Variants in SBF2 observed in about 807,000 individuals in gnomAD.
SBF2 encodes myotubularin-related protein 13.
SBF2 carries 112 observed loss-of-function variants against 225.2 expected under a neutral mutation model. The observed-to-expected ratio is 0.50, with a 90% CI of 0.43 to 0.58. The LOEUF (loss-of-function observed/expected upper bound fraction) is 0.58. Ranked by LOEUF, SBF2 falls within the 20% of genes least tolerant of loss-of-function variation. SBF2 has a pLI of 0.00. For missense variants in SBF2, 1,996 were observed against 2,206.2 expected, an observed-to-expected ratio of 0.90 and a Z score of 1.91; for synonymous variants, 763 against 773.3, an observed-to-expected ratio of 0.99 and a Z score of 0.22.
At chr11:10,237,547 CT>C (rs1959123363) in intron 1 of SBF2, among the ~76,000 whole-genome samples, 1 of 152,208 alleles carries the variant, frequency 6.6e-6, no homozygotes, top group Non-Finnish European at 1.5e-5. Flanking sequence ...ACTAATACCC[CT>C]ATCTTGTCTT....
intron 17 of SBF2, among the ~76,000 whole-genome samples, chr11:9,874,854 T>C (rs545050593): frequency 4.6e-5 from 7 of 152,294 alleles, no homozygotes; most frequent in African/African-American, 1.2e-4. Flanking sequence ...CTGCTAAAAG[T>C]AGACTAACCT....
At chr11:10,224,309 T>C (rs1220925871) in intron 1 of SBF2, among the ~76,000 whole-genome samples, 2 of 152,124 alleles carry the variant, frequency 1.3e-5, no homozygotes, top group Non-Finnish European at 2.9e-5. Context: ...AATGCATACA[T>C]TTCCCTCAAT....
chr11:9,960,020 A>T (rs1866459800), intron 16 of SBF2: 1 of 283,126 alleles, frequency 3.5e-6, no homozygotes, highest in African/African-American at 2.2e-5. Flanking sequence ...GGGTCTTGAT[A>T]AGTTGTCTAG....
At position 9,805,780 on chromosome 11, in the gene SBF2, G is replaced by A. The variant is rs1015833156; in HGVS notation, c.4443+2220C>T. On this transcript the variant is annotated intron_variant, in intron 32 of 39. Transcript: ENST00000256190. ...TGGGACTACAGGCGTGCGCCCCCAC[G>A]TCTGGCTGATTTTTTGTATTTTTAG... Among the ~76,000 whole-genome samples, 12 of 152,260 alleles carry A rather than the reference G, an allele frequency of 7.9e-5. No homozygotes were observed. The East Asian group carries it at 1.9e-3, about 25-fold the overall frequency.
At chr11:10,278,986 C>G (rs918313413) in intron 1 of SBF2, among the ~76,000 whole-genome samples, 3 of 150,700 alleles carry the variant, frequency 2.0e-5, no homozygotes, top group Non-Finnish European at 4.4e-5. Flanking sequence ...TTAATCTCAG[C>G]GCTTTGGGTG....
In SBF2 at chr11:10,028,503, C is replaced by T. The variant is rs201738577; in HGVS notation, c.568G>A (p.Asp190Asn). 10 of 1,613,728 alleles carry T rather than the reference C, an allele frequency of 6.2e-6. No individual in the cohort carries two copies. In the South Asian group the frequency reaches 1.1e-4, roughly 18 times the overall value. Reference protein sequence around the residue: ...DRQLIQTPLHDSLPITGTSVA... With the variant: ...DRQLIQTPLHNSLPITGTSVA... ...CTAGTGCCCGTGATAGGAAGACTAT[C>T]ATGTAAAGGAGTCTGGATCAACTGT... Residue 190 changes from aspartate (D) to asparagine (N), a missense_variant, in exon 6 of 40, where the codon GAT (aspartate) becomes AAT (asparagine). Asp to Asn is a conservative substitution (Grantham distance 23). Transcript: ENST00000256190.
chr11:10,230,438 G>T (rs1251433465), intron 1 of SBF2, among the ~76,000 whole-genome samples: 3 of 152,128 alleles, frequency 2.0e-5, no homozygotes, highest in Non-Finnish European at 4.4e-5. Context: ...TGTTTTTGCA[G>T]TGGCTGGTAC....
intron 2 of SBF2, among the ~76,000 whole-genome samples, chr11:10,098,706 C>T (rs1952152950): frequency 6.6e-6 from 1 of 151,086 alleles, no homozygotes; most frequent in Admixed American, 6.6e-5. Context: ...CACACACACA[C>T]ACACACACAC....
chr11:10,245,947 A>G (rs1008032516), intron 1 of SBF2, among the ~76,000 whole-genome samples: 5 of 152,210 alleles, frequency 3.3e-5, no homozygotes, highest in African/African-American at 4.8e-5. Flanking sequence ...TCACAAAAGA[A>G]CAGTAGAATG....
chr11:9,829,087 C>CTGT (rs1322780530), intron 28 of SBF2, among the ~76,000 whole-genome samples: 2 of 152,022 alleles, frequency 1.3e-5, no homozygotes, highest in African/African-American at 2.4e-5. Context: ...CCAGACTGGG[C>CTGT]AACACAGTGA....
chr11:10,134,911 T>C lies in SBF2; in HGVS notation c.141+58991A>G, dbSNP rs189437861. Among the ~76,000 whole-genome samples, 606 of 152,286 alleles carry C rather than the reference T, an allele frequency of 4.0e-3. 1 individual carries two copies. Among genetic ancestry groups the C allele is most frequent in the Non-Finnish European group, 6.5e-3 (442 of 68,004 alleles). On this transcript the variant is annotated intron_variant, in intron 2 of 39. Coordinates refer to ENST00000256190, the MANE Select transcript of SBF2 (RefSeq NM_030962.4). ...AGTGGCCCTCTTCTCACAGCTCCAC[T>C]AGGCAGCAGCCCAGTGGGGACTCTG...
At chr11:10,064,174 T>C (rs1437805967) in intron 2 of SBF2, among the ~76,000 whole-genome samples, 1 of 152,104 alleles carries the variant, frequency 6.6e-6, no homozygotes, top group Non-Finnish European at 1.5e-5. Context: ...ACAATATATG[T>C]CAACAATAGC....
At chr11:10,250,659 A>G (rs1565400798) in intron 1 of SBF2, among the ~76,000 whole-genome samples, 1 of 152,212 alleles carries the variant, frequency 6.6e-6, no homozygotes, top group Non-Finnish European at 1.5e-5. Context: ...GTTAATTATT[A>G]CGCCACAGTA....
intron 16 of SBF2, among the ~76,000 whole-genome samples, chr11:9,934,054 C>G (rs1864701064): frequency 6.6e-6 from 1 of 150,856 alleles, no homozygotes; most frequent in South Asian, 2.1e-4. Context: ...GGCACTCTAG[C>G]CTGGGTGACA....
At chr11:9,935,622 G>C (rs1392545884) in intron 16 of SBF2, among the ~76,000 whole-genome samples, 2 of 152,080 alleles carry the variant, frequency 1.3e-5, no homozygotes, top group African/African-American at 4.8e-5. Context: ...TAGACCAATG[G>C]AACAGAACAG....
At chr11:9,833,779 T>C (rs1338244680) in intron 26 of SBF2, among the ~76,000 whole-genome samples, 1 of 150,248 alleles carries the variant, frequency 6.7e-6, no homozygotes, top group Non-Finnish European at 1.5e-5. Context: ...CTATCCTTTT[T>C]TTTTTTTTTT....
At chr11:10,121,763 T>C (rs889916886) in intron 2 of SBF2, among the ~76,000 whole-genome samples, 2 of 152,258 alleles carry the variant, frequency 1.3e-5, no homozygotes, top group Non-Finnish European at 2.9e-5. Flanking sequence ...TCTGAAAATA[T>C]TAAACAGAAA....
chr11:10,186,231 T>C (rs926926091), intron 2 of SBF2, among the ~76,000 whole-genome samples: 1 of 152,202 alleles, frequency 6.6e-6, no homozygotes, highest in African/African-American at 2.4e-5. Context: ...GTGTACCACT[T>C]TCACAAGACA....
chr11:10,295,810 G>GA (rs562078115), upstream of SBF2, among the ~76,000 whole-genome samples: 65 of 149,166 alleles, frequency 4.4e-4, no homozygotes, highest in South Asian at 7.6e-3. Flanking sequence ...GAACTATCCA[G>GA]AAAAAAAAAA....
Sources: allele counts gnomAD v4.1 joint callset (sites outside exome capture counted in the v4.1 genomes callset), GRCh38; gene constraint gnomAD v4.1.1; transcripts MANE v1.5; gene names NCBI Gene and HGNC (gene_info 2026-07-23, HGNC 2026-07-21).